Variants in RAD51B observed in about 807,000 individuals in gnomAD.
RAD51B encodes RAD51 paralog B.
Under a neutral mutation model 42.2 loss-of-function variants are expected in RAD51B, and 38 were observed. The ratio of observed to expected loss-of-function variants is 0.90; its 90% CI spans 0.70 to 1.18. The LOEUF (loss-of-function observed/expected upper bound fraction) is 1.18, where lower values mean the gene tolerates loss of function less well. RAD51B is among the 50% of genes most tolerant of loss of function. RAD51B has a pLI of 0.00. For missense variants in RAD51B, 373 were observed against 400.7 expected, an observed-to-expected ratio of 0.93 and a Z score of 0.59; for synonymous variants, 154 against 145.2, an observed-to-expected ratio of 1.06 and a Z score of -0.43.
chr14:68,541,049 A>T (rs1238226788), intron 10 of RAD51B: 2 of 985,278 alleles, frequency 2.0e-6, no homozygotes, highest in African/African-American at 3.5e-5. Context: ...AAAGATAGTC[A>T]TAAAAGAAGA....
intron 10 of RAD51B, among the ~76,000 whole-genome samples, chr14:68,489,248 G>A (rs1267536733): frequency 6.6e-6 from 1 of 152,114 alleles, no homozygotes; most frequent in African/African-American, 2.4e-5. Flanking sequence ...CAACTCTTGG[G>A]ATGCTAGAAA....
At chr14:68,663,212 G>C (rs748535919) in intron 11 of RAD51B, among the ~76,000 whole-genome samples, 4 of 152,334 alleles carry the variant, frequency 2.6e-5, no homozygotes, top group South Asian at 4.1e-4. Context: ...TGAGGCAGGA[G>C]AGTTGCTTGA....
At chr14:68,525,097 G>A (rs887571765) in intron 10 of RAD51B, among the ~76,000 whole-genome samples, 3 of 152,236 alleles carry the variant, frequency 2.0e-5, no homozygotes, top group African/African-American at 7.2e-5. Context: ...AATCACAAGG[G>A]TCCCAGTATG....
intron 10 of RAD51B, among the ~76,000 whole-genome samples, chr14:68,592,121 A>G (rs1256638866): frequency 1.3e-5 from 2 of 152,084 alleles, no homozygotes; most frequent in Admixed American, 6.5e-5. Context: ...GAGGGGGGGA[A>G]TTGATGCTTT....
At chr14:68,249,007 G>A (rs902445295) in intron 7 of RAD51B, among the ~76,000 whole-genome samples, 1 of 152,264 alleles carries the variant, frequency 6.6e-6, no homozygotes, top group Non-Finnish European at 1.5e-5. Flanking sequence ...CTGGCAGAGG[G>A]GCAGCAGTGG....
At chr14:68,081,103 C>T (rs192945516) in intron 7 of RAD51B, among the ~76,000 whole-genome samples, 6 of 152,160 alleles carry the variant, frequency 3.9e-5, no homozygotes, top group Admixed American at 1.3e-4. Flanking sequence ...TGAAGTTAGG[C>T]GCTAACAATT....
intron 7 of RAD51B, among the ~76,000 whole-genome samples, chr14:68,155,879 CTCTG>C (rs1779999116): frequency 1.3e-5 from 2 of 152,160 alleles, no homozygotes; most frequent in African/African-American, 2.4e-5. Context: ...AGAGACCCTC[CTCTG>C]TCTATGTGTA....
At chr14:68,594,034 A>T (rs1890874099) in intron 10 of RAD51B, among the ~76,000 whole-genome samples, 1 of 152,224 alleles carries the variant, frequency 6.6e-6, no homozygotes, top group Admixed American at 6.5e-5. Context: ...CAGGCTGGGC[A>T]GGGGTGTCTG....
intron 1 of RAD51B, among the ~76,000 whole-genome samples, chr14:67,822,006 T>A (rs533959522): frequency 2.0e-4 from 30 of 151,826 alleles, no homozygotes; most frequent in Non-Finnish European, 3.4e-4. Context: ...TGTGTGTGTG[T>A]GAGAGAGAGA....
At chr14:68,595,199 G>GA in exon 11 of RAD51B, 1 of 1,062,812 alleles carries the variant, frequency 9.4e-7, no homozygotes, top group Non-Finnish European at 1.1e-6. Flanking sequence ...CACTTACATG[G>GA]AAAATCCTAA....
chr14:67,933,874 C>G (rs2044833476), intron 7 of RAD51B, among the ~76,000 whole-genome samples: 1 of 152,210 alleles, frequency 6.6e-6, no homozygotes, highest in South Asian at 2.1e-4. Flanking sequence ...GCAGAAGCTA[C>G]CTCTATGCTC....
At chr14:68,400,406 T>C (rs1195376878) in intron 8 of RAD51B, among the ~76,000 whole-genome samples, 2 of 152,202 alleles carry the variant, frequency 1.3e-5, no homozygotes, top group East Asian at 3.8e-4. Flanking sequence ...TTTCCAGCAC[T>C]CAGGGATATA....
intron 9 of RAD51B, among the ~76,000 whole-genome samples, chr14:68,429,718 A>C (rs2084951094): frequency 1.3e-5 from 2 of 152,108 alleles, no homozygotes; most frequent in South Asian, 4.1e-4. Context: ...CTCTGATGGT[A>C]GTTTCTTTTG....
At chr14:68,286,772 TG>T (rs1237804638) in intron 7 of RAD51B, among the ~76,000 whole-genome samples, 1 of 152,190 alleles carries the variant, frequency 6.6e-6, no homozygotes, top group Non-Finnish European at 1.5e-5. Flanking sequence ...AGGTGTAGCC[TG>T]GGTATAGTCT....
chr14:67,848,796 A>AGTGTTTTC (rs2041709129), intron 4 of RAD51B, among the ~76,000 whole-genome samples: 1 of 152,038 alleles, frequency 6.6e-6, no homozygotes, highest in Admixed American at 6.6e-5. Context: ...AAATTCCCTC[A>AGTGTTTTC]GTGTTTTCTT....
chr14:68,618,881 C>G (rs541229397), intron 10 of RAD51B, among the ~76,000 whole-genome samples: 14 of 152,200 alleles, frequency 9.2e-5, no homozygotes. Flanking sequence ...TCTTAGAATT[C>G]CTAGCTCAGC....
At chr14:68,673,585 A>G (rs1349756314) in intron 11 of RAD51B, among the ~76,000 whole-genome samples, 1 of 146,268 alleles carries the variant, frequency 6.8e-6, no homozygotes, top group Non-Finnish European at 1.5e-5. Flanking sequence ...CACATACTGT[A>G]CATACACATA....
chr14:68,358,181 T>C (rs566474156), intron 8 of RAD51B, among the ~76,000 whole-genome samples: 1 of 152,108 alleles, frequency 6.6e-6, no homozygotes, highest in South Asian at 2.1e-4. Context: ...CCATAACAGA[T>C]ATAATTATAA....
chr14:67,823,017 A>G (rs989583080), intron 1 of RAD51B, among the ~76,000 whole-genome samples: 1 of 152,158 alleles, frequency 6.6e-6, no homozygotes, highest in African/African-American at 2.4e-5. Flanking sequence ...CTTTCCTTCT[A>G]GGGCTATTGA....
Sources: allele counts gnomAD v4.1 joint callset (sites outside exome capture counted in the v4.1 genomes callset), GRCh38; gene constraint gnomAD v4.1.1; transcripts MANE v1.5; gene names NCBI Gene and HGNC (gene_info 2026-07-23, HGNC 2026-07-21).